KIF6: variants seen among roughly 807,000 people sequenced by gnomAD.
KIF6 encodes the protein kinesin-like protein KIF6.
Under a neutral mutation model 112.7 loss-of-function variants are expected in KIF6, and 106 were observed. The ratio of observed to expected loss-of-function variants is 0.94; its 90% CI spans 0.80 to 1.11. The LOEUF (loss-of-function observed/expected upper bound fraction) is 1.11. Among genes scored for constraint, KIF6 ranks in the 50% least tolerant of loss-of-function variants. The probability of loss-of-function intolerance (pLI) is 0.00; values close to 1 mark genes in which losing one functional copy is unlikely to be tolerated. For missense variants in KIF6, 929 were observed against 964.0 expected (o/e 0.96, Z 0.48); for synonymous variants, 339 against 339.9 (o/e 1.00, Z 0.03).
chr6:39,337,159 C>CTTTCT (rs1554195038), intron 22 of KIF6, among the ~76,000 whole-genome samples: 2 of 50,418 alleles, frequency 4.0e-5, no homozygotes, highest in East Asian at 6.5e-4. Flanking sequence ...TCTTTCTTTT[C>CTTTCT]TTTCTTTCCT....
chr6:39,530,349 G>A (rs765385995), intron 13 of KIF6, among the ~76,000 whole-genome samples: 3 of 152,174 alleles, frequency 2.0e-5, no homozygotes, highest in African/African-American at 4.8e-5. Flanking sequence ...AACACTGACT[G>A]GTTCCAGGTG....
rs150316698 is a variant in KIF6 at position 39,605,095 on chromosome 6, T to C, written c.639+8094A>G. Among the ~76,000 whole-genome samples the C allele has an allele frequency of 7.0e-4, 106 of 152,256 alleles. No homozygotes were observed. In the Middle Eastern group the frequency reaches 0.01, roughly 15 times the overall value. On this transcript the variant is annotated intron_variant, in intron 6 of 22. Transcript: ENST00000287152. The stretch of plus-strand genomic sequence containing the variant: ...TACATTCAATTATCATTCTTACACA[T>C]CATTCTTGAGCTAGATAGCATCATA...
chr6:39,722,383 T>C (rs901119798), intron 1 of KIF6, among the ~76,000 whole-genome samples: 1 of 152,238 alleles, frequency 6.6e-6, no homozygotes, highest in African/African-American at 2.4e-5. Context: ...ATTGGCTTTC[T>C]ATCCTTATTC....
At chr6:39,717,535 C>G (rs113860818) in intron 2 of KIF6, among the ~76,000 whole-genome samples, 9,443 of 152,212 alleles carry the variant, frequency 0.062, 386 homozygotes, top group Middle Eastern at 0.11. Context: ...CCTTCACCCC[C>G]CTCATCCAGC....
chr6:39,437,336 T>C (rs1289345177), intron 13 of KIF6, among the ~76,000 whole-genome samples: 1 of 152,208 alleles, frequency 6.6e-6, no homozygotes, highest in Non-Finnish European at 1.5e-5. Flanking sequence ...GACTTTCTCT[T>C]TTCCAATTTG....
chr6:39,660,760 A>G (rs1786093755), intron 3 of KIF6, among the ~76,000 whole-genome samples: 1 of 152,222 alleles, frequency 6.6e-6, no homozygotes, highest in Non-Finnish European at 1.5e-5. Context: ...GTGTGAAATA[A>G]CAAAATAGAT....
intron 1 of KIF6, among the ~76,000 whole-genome samples, chr6:39,722,512 C>T (rs1790276261): frequency 6.6e-6 from 1 of 152,164 alleles, no homozygotes; most frequent in Admixed American, 6.5e-5. Context: ...AGCATTACCA[C>T]TGTTAAAACT....
chr6:39,725,013 G>A (rs1231914768), intron 1 of KIF6, among the ~76,000 whole-genome samples: 2 of 152,212 alleles, frequency 1.3e-5, no homozygotes, highest in African/African-American at 4.8e-5. Flanking sequence ...GCTCTCTGCC[G>A]GGTCTGCGCT....
chr6:39,389,385 C>T (rs536326367), intron 15 of KIF6, among the ~76,000 whole-genome samples: 2 of 152,264 alleles, frequency 1.3e-5, no homozygotes, highest in Admixed American at 6.5e-5. Flanking sequence ...GGATGCTGTG[C>T]CTCATTCAAC....
chr6:39,336,638 G>T, intron 22 of KIF6, 90 bp from the exon 23 acceptor site: 1 of 1,155,398 alleles, frequency 8.7e-7, no homozygotes, highest in Non-Finnish European at 1.3e-6. Context: ...GAGGCCACCA[G>T]CCACTCCCCC....
intron 15 of KIF6, among the ~76,000 whole-genome samples, chr6:39,403,553 C>T (rs1043070356): frequency 3.9e-5 from 6 of 152,196 alleles, no homozygotes; most frequent in Non-Finnish European, 7.4e-5. Context: ...TATCCCCTCA[C>T]TCACTGAAGG....
chr6:39,475,282 A>G (rs531104413), intron 13 of KIF6, among the ~76,000 whole-genome samples: 1 of 152,334 alleles, frequency 6.6e-6, no homozygotes, highest in South Asian at 2.1e-4. Flanking sequence ...ACACAGATGT[A>G]TTAAATCGAC....
chr6:39,666,466 T>C (rs371365639), intron 3 of KIF6, among the ~76,000 whole-genome samples: 1 of 152,196 alleles, frequency 6.6e-6, no homozygotes, highest in South Asian at 2.1e-4. Context: ...GCTTTGAAAG[T>C]GCCAACCATT....
At chr6:39,559,585 T>C (rs1000682702) in intron 10 of KIF6, among the ~76,000 whole-genome samples, 1 of 152,170 alleles carries the variant, frequency 6.6e-6, no homozygotes, top group African/African-American at 2.4e-5. Context: ...CAGGTAGAGA[T>C]TGCAAAGAGG....
intron 4 of KIF6, among the ~76,000 whole-genome samples, chr6:39,635,628 G>T (rs1350472960): frequency 1.3e-5 from 2 of 152,000 alleles, no homozygotes; most frequent in Non-Finnish European, 2.9e-5. Context: ...AGAAATGTTT[G>T]TGGTGGGTCA....
intron 13 of KIF6, among the ~76,000 whole-genome samples, chr6:39,475,866 C>A (rs11969395): frequency 0.06 from 9,193 of 152,152 alleles, 491 homozygotes; most frequent in East Asian, 0.25. Flanking sequence ...TACTATGCAG[C>A]CATAAAAAGG....
At chr6:39,414,645 C>T (rs531193137) in intron 15 of KIF6, among the ~76,000 whole-genome samples, 8 of 152,280 alleles carry the variant, frequency 5.3e-5, no homozygotes, top group African/African-American at 1.4e-4. Context: ...TTTTAATTTT[C>T]GTGGGCTATG....
In KIF6 at chr6:39,533,588, CAGACAAACAAAA is replaced by C. The variant is rs59274963; in HGVS notation, c.1645+6403_1645+6414del. On this transcript the variant is annotated intron_variant, in intron 13 of 22. Coordinates refer to ENST00000287152, the MANE Select transcript of KIF6 (RefSeq NM_145027.6). The stretch of plus-strand genomic sequence containing the variant: ...AGGCTCCACCTCTGGGGGCAGGGCA[CAGACAAACAAAA>C]AGACAAACAAAAAGACAAACAAAAA... Among the ~76,000 whole-genome samples, 88 of 152,296 alleles carry C rather than the reference CAGACAAACAAAA, an allele frequency of 5.8e-4. 1 individual carries two copies. The East Asian group carries it at 7.5e-3, about 13-fold the overall frequency.
intron 14 of KIF6, among the ~76,000 whole-genome samples, chr6:39,422,907 A>T (rs1161159684): frequency 2.6e-5 from 4 of 152,168 alleles, no homozygotes; most frequent in African/African-American, 4.8e-5. Context: ...CTTTTGGCCA[A>T]GGGTATGCTG....
Sources: allele counts gnomAD v4.1 joint callset (sites outside exome capture counted in the v4.1 genomes callset), GRCh38; gene constraint gnomAD v4.1.1; transcripts MANE v1.5; gene names NCBI Gene and HGNC (gene_info 2026-07-23, HGNC 2026-07-21).